Variants in PTPRG observed in about 807,000 individuals in gnomAD.
PTPRG encodes protein tyrosine phosphatase receptor type G.
In PTPRG, 102 loss-of-function variants were observed where a neutral mutation model predicts 165.3. The observed-to-expected ratio is 0.62, with a 90% CI of 0.53 to 0.73. The LOEUF (loss-of-function observed/expected upper bound fraction) is 0.73. PTPRG is among the 30% of genes least tolerant of loss of function. PTPRG has a pLI of 0.00. For synonymous variants in PTPRG, 675 were observed against 669.5 expected, an observed-to-expected ratio of 1.01 and a Z score of -0.13; for missense variants, 1,866 against 1,861.4, an observed-to-expected ratio of 1.00 and a Z score of -0.05.
chr3:61,879,880 C>G (rs1003240358), intron 2 of PTPRG, among the ~76,000 whole-genome samples: 4 of 152,104 alleles, frequency 2.6e-5, no homozygotes, highest in African/African-American at 9.7e-5. Context: ...TTTGTATAAG[C>G]CTTTACGTTA....
At chr3:61,981,509 G>A (rs1313520177) in intron 2 of PTPRG, among the ~76,000 whole-genome samples, 2 of 152,196 alleles carry the variant, frequency 1.3e-5, no homozygotes, top group Non-Finnish European at 2.9e-5. Context: ...ATTTGGATGT[G>A]TGTTCCTAGA....
intron 5 of PTPRG, among the ~76,000 whole-genome samples, chr3:62,112,404 A>G (rs1191094635): frequency 6.6e-6 from 1 of 152,214 alleles, no homozygotes; most frequent in Non-Finnish European, 1.5e-5. Flanking sequence ...CCGCCCTGCC[A>G]GTCACTACTA....
chr3:61,716,106 C>T (rs1034828038), intron 1 of PTPRG, among the ~76,000 whole-genome samples: 1 of 152,134 alleles, frequency 6.6e-6, no homozygotes, highest in Non-Finnish European at 1.5e-5. Context: ...CAGCTCACTG[C>T]CACCGCCACG....
intron 1 of PTPRG, among the ~76,000 whole-genome samples, 186 bp from the exon 2 acceptor site, chr3:61,748,692 A>G (rs1261499901): frequency 6.6e-6 from 1 of 150,890 alleles, no homozygotes; most frequent in Non-Finnish European, 1.5e-5. Flanking sequence ...GATTCCTAAT[A>G]TTAATAATAA....
At chr3:62,019,740 ATGT>A (rs999608245) in intron 4 of PTPRG, among the ~76,000 whole-genome samples, 12 of 152,176 alleles carry the variant, frequency 7.9e-5, no homozygotes, top group Admixed American at 2.0e-4. Context: ...TTGAAACATA[ATGT>A]TGTATGCCAT....
At position 62,240,823 on chromosome 3, in the gene PTPRG, C is replaced by T. The variant is rs1281251656; in HGVS notation, c.2376-2984C>T. On this transcript the variant is annotated intron_variant, in intron 14 of 29. Coordinates refer to ENST00000474889, the MANE Select transcript of PTPRG (RefSeq NM_002841.4). The surrounding 1 kb of genome is among the most constrained non-coding windows in gnomAD (Gnocchi z 5.1). ...TCAAATGCCACCTCCTCAGTGAAGT[C>T]CCTTCCTTCAGCCGACTTCATTTAC... 1.3e-5 allele frequency among the ~76,000 whole-genome samples: 2 copies of T among 152,352 alleles called. No individual in the cohort carries two copies. The highest frequency in any genetic ancestry group is 6.5e-5 in the Admixed American group (1 of 15,304).
chr3:61,828,276 G>A lies in PTPRG; in HGVS notation c.190+79294G>A, dbSNP rs116440497. On this transcript the variant is annotated intron_variant, in intron 2 of 29. Coordinates refer to ENST00000474889, the MANE Select transcript of PTPRG (RefSeq NM_002841.4). ...GGAGTAAGTTATTTTCCTATATGCA[G>A]TCAAACCTGGGTGACACAGTATGGA... is the stretch of plus-strand genomic sequence containing the variant. 6.2e-3 allele frequency among the ~76,000 whole-genome samples: 948 copies of A among 152,296 alleles called. 12 individuals carry two copies. The highest frequency in any genetic ancestry group is 0.022 in the African/African-American group (912 of 41,554).
At chr3:61,570,363 G>T (rs1279121492) in intron 1 of PTPRG, among the ~76,000 whole-genome samples, 3 of 151,920 alleles carry the variant, frequency 2.0e-5, no homozygotes, top group Non-Finnish European at 2.9e-5. Flanking sequence ...GAGTAGCAAA[G>T]TGACACAGTT....
intron 1 of PTPRG, among the ~76,000 whole-genome samples, chr3:61,654,461 T>G (rs886663041): frequency 1.3e-5 from 2 of 152,088 alleles, no homozygotes; most frequent in African/African-American, 4.8e-5. Flanking sequence ...CTCAGCTGAC[T>G]GCAGCCTCCG....
intron 1 of PTPRG, among the ~76,000 whole-genome samples, chr3:61,620,489 C>T (rs1409149019): frequency 2.0e-5 from 3 of 152,026 alleles, no homozygotes; most frequent in Non-Finnish European, 2.9e-5. Flanking sequence ...ACCTGGAATC[C>T]GCCAGGAATC....
intron 5 of PTPRG, among the ~76,000 whole-genome samples, chr3:62,130,896 A>G (rs776173109): frequency 1.1e-4 from 17 of 151,486 alleles, no homozygotes; most frequent in Non-Finnish European, 2.2e-4. Context: ...AACTCCCAGA[A>G]TTCCACCTTT....
intron 2 of PTPRG, among the ~76,000 whole-genome samples, chr3:61,913,224 T>C (rs2038846433): frequency 6.6e-6 from 1 of 152,186 alleles, no homozygotes; most frequent in African/African-American, 2.4e-5. Context: ...CGTTTTCTTT[T>C]TTATTTTTTT....
intron 1 of PTPRG, among the ~76,000 whole-genome samples, chr3:61,647,401 C>T (rs1702227913): frequency 6.6e-6 from 1 of 152,134 alleles, no homozygotes; most frequent in South Asian, 2.1e-4. Flanking sequence ...AGGGTCAATA[C>T]CATTGTTTCT....
intron 1 of PTPRG, among the ~76,000 whole-genome samples, chr3:61,632,499 A>G (rs1473989955): frequency 2.6e-5 from 4 of 152,202 alleles, no homozygotes; most frequent in Non-Finnish European, 5.9e-5. Flanking sequence ...AGTGAGGAGG[A>G]TGATAATTTT....
At chr3:61,664,782 G>A (rs925488743) in intron 1 of PTPRG, among the ~76,000 whole-genome samples, 2 of 152,302 alleles carry the variant, frequency 1.3e-5, no homozygotes, top group African/African-American at 4.8e-5. Flanking sequence ...GGTGAGCCGA[G>A]ATCGCGCCAT....
At chr3:61,882,592 T>C (rs1361091736) in intron 2 of PTPRG, among the ~76,000 whole-genome samples, 1 of 152,216 alleles carries the variant, frequency 6.6e-6, no homozygotes, top group African/African-American at 2.4e-5. Context: ...TCCTGCATAC[T>C]TCCATGAATG....
At chr3:62,152,898 A>C (rs1704388243) in intron 6 of PTPRG, among the ~76,000 whole-genome samples, 1 of 152,356 alleles carries the variant, frequency 6.6e-6, no homozygotes, top group African/African-American at 2.4e-5. Flanking sequence ...CCGAAGGCCA[A>C]ATCCATTCTA....
chr3:62,120,402 C>A (rs1319141561), intron 5 of PTPRG, among the ~76,000 whole-genome samples: 1 of 152,170 alleles, frequency 6.6e-6, no homozygotes, highest in African/African-American at 2.4e-5. Context: ...CAAAATAATT[C>A]CTAGGTTTGG....
At chr3:62,176,350 A>G (rs1320933950) in intron 8 of PTPRG, among the ~76,000 whole-genome samples, 1 of 152,170 alleles carries the variant, frequency 6.6e-6, no homozygotes, top group Non-Finnish European at 1.5e-5. Context: ...TAAGTGAATC[A>G]TCCAAAGCCT....
Sources: allele counts gnomAD v4.1 joint callset (sites outside exome capture counted in the v4.1 genomes callset), GRCh38; gene constraint gnomAD v4.1.1; non-coding constraint Gnocchi (gnomAD v3.1); transcripts MANE v1.5; gene names NCBI Gene and HGNC (gene_info 2026-07-23, HGNC 2026-07-21).